EFNA5: variants seen among roughly 807,000 people sequenced by gnomAD.
The protein encoded by EFNA5 is ephrin A5, also known as ephrin-A5.
EFNA5 carries 5 observed loss-of-function variants against 22.9 expected under a neutral mutation model. That is an observed-to-expected ratio of 0.22 (90% confidence interval 0.11 to 0.46). The LOEUF (loss-of-function observed/expected upper bound fraction) is 0.46. Among genes scored for constraint, EFNA5 ranks in the 20% least tolerant of loss-of-function variants. The pLI is 0.99. For missense variants in EFNA5, 237 were observed against 293.3 expected (o/e 0.81, Z 1.40); for synonymous variants, 113 against 112.2 (o/e 1.01, Z -0.04).
intron 1 of EFNA5, among the ~76,000 whole-genome samples, chr5:107,519,154 C>A (rs191951217): frequency 3.5e-4 from 53 of 152,116 alleles, no homozygotes; most frequent in African/African-American, 1.3e-3. Flanking sequence ...TTCTTCATTT[C>A]CACTTATTAA....
chr5:107,405,601 C>A (rs1033097282), intron 2 of EFNA5, among the ~76,000 whole-genome samples: 1 of 151,898 alleles, frequency 6.6e-6, no homozygotes, highest in Non-Finnish European at 1.5e-5. Flanking sequence ...TTTAACAGAC[C>A]GAATTCACAG....
At chr5:107,493,573 T>G (rs1746874281) in intron 1 of EFNA5, among the ~76,000 whole-genome samples, 1 of 152,222 alleles carries the variant, frequency 6.6e-6, no homozygotes, top group Admixed American at 6.5e-5. Flanking sequence ...ATTACAAGAC[T>G]CTGGAAAACC....
At chr5:107,424,901 G>A (rs554227219) in intron 2 of EFNA5, among the ~76,000 whole-genome samples, 6 of 152,166 alleles carry the variant, frequency 3.9e-5, no homozygotes, top group Non-Finnish European at 5.9e-5. Context: ...TTTGCGGGTC[G>A]AAAACATGGT....
chr5:107,427,627 A>G (rs1748842455), intron 1 of EFNA5, 118 bp from the exon 2 acceptor site: 1 of 862,336 alleles, frequency 1.2e-6, no homozygotes. Flanking sequence ...GTAAGTTCTT[A>G]CTGAATGCCA....
chr5:107,583,862 G>A (rs1438681014), intron 1 of EFNA5, among the ~76,000 whole-genome samples: 2 of 152,076 alleles, frequency 1.3e-5, no homozygotes, highest in East Asian at 3.9e-4. Flanking sequence ...CACCAACTGT[G>A]GAAGACACCC....
intron 1 of EFNA5, among the ~76,000 whole-genome samples, chr5:107,442,422 A>C (rs1159836890): frequency 3.9e-5 from 6 of 152,162 alleles, no homozygotes; most frequent in Non-Finnish European, 8.8e-5. Context: ...GTACATAAAG[A>C]AATTCTCTTT....
At chr5:107,588,620 T>G (rs906711420) in intron 1 of EFNA5, among the ~76,000 whole-genome samples, 1 of 152,210 alleles carries the variant, frequency 6.6e-6, no homozygotes, top group Non-Finnish European at 1.5e-5. Context: ...TTGCCTGGGT[T>G]GTAGAAAGGG....
chr5:107,611,956 C>G (rs545061445), intron 1 of EFNA5, among the ~76,000 whole-genome samples: 1 of 152,296 alleles, frequency 6.6e-6, no homozygotes, highest in African/African-American at 2.4e-5. Context: ...AAATGGGTAA[C>G]TGCTTCTGTT....
intron 1 of EFNA5, among the ~76,000 whole-genome samples, chr5:107,602,062 G>A (rs1026296420): frequency 2.6e-5 from 4 of 152,142 alleles, no homozygotes; most frequent in African/African-American, 7.2e-5. Context: ...GGTGAATCTC[G>A]GGAAAGAGAC....
chr5:107,666,431 T>G (rs142953475), intron 1 of EFNA5, among the ~76,000 whole-genome samples: 2 of 152,142 alleles, frequency 1.3e-5, no homozygotes, highest in Non-Finnish European at 2.9e-5. Context: ...AACTCCAAGA[T>G]TACGTGTTAA....
chr5:107,465,239 C>T (rs558713531), intron 1 of EFNA5, among the ~76,000 whole-genome samples: 63 of 152,258 alleles, frequency 4.1e-4, no homozygotes, highest in African/African-American at 1.1e-3. Flanking sequence ...CTGCGAAGGC[C>T]GTCTTTTCTT....
At chr5:107,439,599 T>C (rs2112434257) in intron 1 of EFNA5, among the ~76,000 whole-genome samples, 1 of 152,308 alleles carries the variant, frequency 6.6e-6, no homozygotes, top group African/African-American at 2.4e-5. Flanking sequence ...CATGATACCC[T>C]GCACATGGGA....
At chr5:107,636,887 T>C (rs1205814791) in intron 1 of EFNA5, among the ~76,000 whole-genome samples, 1 of 152,224 alleles carries the variant, frequency 6.6e-6, no homozygotes, top group East Asian at 1.9e-4. Context: ...GAAACGAGCA[T>C]GAAAAGTATT....
intron 1 of EFNA5, among the ~76,000 whole-genome samples, chr5:107,654,610 C>G (rs988092182): frequency 2.6e-5 from 4 of 152,012 alleles, no homozygotes; most frequent in African/African-American, 9.7e-5. Flanking sequence ...GCCAAATGAT[C>G]TAAAAACTTT....
chr5:107,538,743 T>C (rs1474714003), intron 1 of EFNA5, among the ~76,000 whole-genome samples: 1 of 152,232 alleles, frequency 6.6e-6, no homozygotes, highest in Admixed American at 6.5e-5. Context: ...ATAAAGTGGT[T>C]ACTCCACGCT....
At chr5:107,609,938 T>G (rs1215220517) in intron 1 of EFNA5, among the ~76,000 whole-genome samples, 1 of 152,168 alleles carries the variant, frequency 6.6e-6, no homozygotes, top group Non-Finnish European at 1.5e-5. Flanking sequence ...ATATTATCAT[T>G]TAATTGTATT....
chr5:107,390,386 T>C (rs1157948242), intron 2 of EFNA5, among the ~76,000 whole-genome samples: 3 of 152,194 alleles, frequency 2.0e-5, no homozygotes, highest in African/African-American at 7.2e-5. Flanking sequence ...CATAAGGTAA[T>C]ATAAAAGTGC....
chr5:107,387,714 C>A lies in EFNA5; in HGVS notation c.476G>T (p.Arg159Ile). ...CATTCTAGTGAACTTACTTGTTGGT[C>A]TCACAAAGACTTTGAGCTTTAGACA... ...RSCLKLKVFV[R>I]PTNSCMKTIG... The change falls in exon 3 of 5, where the codon AGA becomes ATA. Residue 159 changes from arginine (R) to isoleucine (I), a missense_variant. Transcript: ENST00000333274. 1 of 1,611,890 alleles carries A rather than the reference C, an allele frequency of 6.2e-7. No homozygotes were observed. The highest frequency in any genetic ancestry group is 8.5e-7 in the Non-Finnish European group (1 of 1,178,638).
intron 1 of EFNA5, among the ~76,000 whole-genome samples, chr5:107,592,623 C>G (rs1467599838): frequency 6.6e-6 from 1 of 152,126 alleles, no homozygotes; most frequent in Non-Finnish European, 1.5e-5. Flanking sequence ...GTTAGGGGAG[C>G]ACCAGGCCGC....
Sources: gnomAD v4.1 joint callset for allele counts (sites outside exome capture counted in the v4.1 genomes callset) on GRCh38, gnomAD v4.1.1 for gene constraint, MANE v1.5 for transcripts, NCBI Gene and HGNC (gene_info 2026-07-23, HGNC 2026-07-21) for gene names.